VPS26A: variants seen among roughly 807,000 people sequenced by gnomAD.
VPS26A encodes the protein VPS26 retromer complex component A, also known as vacuolar protein sorting-associated protein 26A.
Under a neutral mutation model 42.4 loss-of-function variants are expected in VPS26A, and 22 were observed. The observed-to-expected ratio is 0.52, with a 90% CI of 0.37 to 0.74. The LOEUF (loss-of-function observed/expected upper bound fraction) is 0.74. Ranked by LOEUF, VPS26A falls within the 30% of genes least tolerant of loss-of-function variation. VPS26A has a pLI of 0.00. For synonymous variants in VPS26A, 110 were observed against 123.5 expected, an observed-to-expected ratio of 0.89 and a Z score of 0.73; for missense variants, 276 against 379.2, an observed-to-expected ratio of 0.73 and a Z score of 2.26.
chr10:69,154,289 C>T (rs1589359010), intron 2 of VPS26A, among the ~76,000 whole-genome samples: 1 of 152,198 alleles, frequency 6.6e-6, no homozygotes, highest in Non-Finnish European at 1.5e-5. Flanking sequence ...GTAATCCCAG[C>T]ACTTTGGGAG....
In VPS26A at chr10:69,164,619, A is replaced by G. The variant is rs141126799; in HGVS notation, c.659-1423A>G. Among the ~76,000 whole-genome samples the G allele has an allele frequency of 2.6e-3, 402 of 152,256 alleles. 4 individuals are homozygous for G. Among genetic ancestry groups the G allele is most frequent in the African/African-American group, 8.9e-3 (368 of 41,566 alleles). ...TATTGATGTTTATGTAGTCAGATTT[A>G]TCAGTTTTTCATTTTATGGCCTCTG... On this transcript the variant is annotated intron_variant, in intron 6 of 8. Coordinates refer to ENST00000263559, the MANE Select transcript of VPS26A (RefSeq NM_004896.5).
At chr10:69,132,691 C>T (rs1287413089) in intron 1 of VPS26A, among the ~76,000 whole-genome samples, 1 of 152,140 alleles carries the variant, frequency 6.6e-6, no homozygotes, top group Non-Finnish European at 1.5e-5. Context: ...GATCCGCCCA[C>T]CTCAGCCTCC....
intron 5 of VPS26A, among the ~76,000 whole-genome samples, chr10:69,158,462 A>G (rs1841480678): frequency 6.6e-6 from 1 of 152,118 alleles, no homozygotes; most frequent in African/African-American, 2.4e-5. Context: ...CTCAGAAGGC[A>G]GCCAGTCCTT....
chr10:69,157,936 A>G (rs1450221535), intron 4 of VPS26A, 111 bp from the exon 5 acceptor site: 1 of 927,462 alleles, frequency 1.1e-6, no homozygotes, highest in Non-Finnish European at 1.6e-6. Context: ...TTGATCCCAA[A>G]GGAGTTCCAG....
At chr10:69,143,120 C>T (rs972832238) in intron 2 of VPS26A, among the ~76,000 whole-genome samples, 3 of 152,150 alleles carry the variant, frequency 2.0e-5, no homozygotes, top group African/African-American at 2.4e-5. Flanking sequence ...GAGGAAACAA[C>T]GGGTTGTTTA....
chr10:69,135,194 G>A (rs1309690832), intron 2 of VPS26A, among the ~76,000 whole-genome samples: 1 of 152,162 alleles, frequency 6.6e-6, no homozygotes, highest in Non-Finnish European at 1.5e-5. Context: ...GGGGATCAGA[G>A]TGTGCTTCTG....
chr10:69,137,032 C>T (rs10998599), intron 2 of VPS26A, among the ~76,000 whole-genome samples: 6,346 of 152,128 alleles, frequency 0.042, 464 homozygotes, highest in African/African-American at 0.14. Context: ...CCTTGTGATC[C>T]GCCCGCCTCA....
rs1188066731 is a variant in VPS26A at position 69,173,933 on chromosome 10, G to A, written c.*2664G>A. On this transcript the variant is annotated 3_prime_UTR_variant, in exon 9 of 9. Coordinates refer to ENST00000263559, the MANE Select transcript of VPS26A (RefSeq NM_004896.5). Reference sequence around the variant, plus strand: ...TGCTTGAACCCGGGAGGCAGAGGTTGCAGTGAGCCGAGATCACACCAATGC... The same window carrying A: ...TGCTTGAACCCGGGAGGCAGAGGTTACAGTGAGCCGAGATCACACCAATGC... 6.6e-6 allele frequency among the ~76,000 whole-genome samples: 1 copy of A among 152,174 alleles called. No individual in the cohort carries two copies. The highest frequency in any genetic ancestry group is 1.9e-4 in the East Asian group (1 of 5,192).
At chr10:69,131,056 G>A (rs1840766674) in intron 1 of VPS26A, among the ~76,000 whole-genome samples, 2 of 152,232 alleles carry the variant, frequency 1.3e-5, no homozygotes, top group South Asian at 2.1e-4. Context: ...TGCGATCTTG[G>A]CTCACTGCAA....
intron 2 of VPS26A, among the ~76,000 whole-genome samples, chr10:69,141,940 G>A (rs1365586423): frequency 3.3e-5 from 5 of 151,816 alleles, no homozygotes; most frequent in African/African-American, 7.3e-5. Context: ...CTGGAGTGCC[G>A]TGGCGCGATC....
chr10:69,168,712 A>G lies in VPS26A; in HGVS notation c.870+81A>G, dbSNP rs58814700. 8.1e-3 allele frequency: 12,323 copies of G among 1,517,582 alleles called. 840 individuals are homozygous for G. The African/African-American group carries it at 0.15, about 18-fold the overall frequency. 94.0% of individuals were successfully genotyped at this position (1,517,582 alleles called of 1,614,324 possible). A position where few individuals can be genotyped will look rare whatever the true frequency, so the allele number is the denominator to read the frequency against. ...AAAGCACTCTTCTAAGCTTCACTGT[A>G]CTGAGCGAGTGGGAGTTTCTAAATA... On this transcript the variant is annotated intron_variant, in intron 8 of 8. Coordinates refer to ENST00000263559, the MANE Select transcript of VPS26A (RefSeq NM_004896.5).
At chr10:69,146,554 T>C (rs1428595937) in intron 2 of VPS26A, among the ~76,000 whole-genome samples, 1 of 152,184 alleles carries the variant, frequency 6.6e-6, no homozygotes, top group Non-Finnish European at 1.5e-5. Flanking sequence ...ATAGAAACTT[T>C]GTACCCATTA....
intron 1 of VPS26A, among the ~76,000 whole-genome samples, chr10:69,125,583 A>G (rs1195007207): frequency 6.6e-6 from 1 of 152,162 alleles, no homozygotes; most frequent in Non-Finnish European, 1.5e-5. Flanking sequence ...AGGTCCTCCT[A>G]TTTTTTGCTT....
chr10:69,139,345 C>T (rs949571185), intron 2 of VPS26A, among the ~76,000 whole-genome samples: 1 of 151,900 alleles, frequency 6.6e-6, no homozygotes, highest in Non-Finnish European at 1.5e-5. Flanking sequence ...GCTCTGTCAC[C>T]CAGGCTGGAG....
At chr10:69,157,692 C>G (rs774887787) in intron 4 of VPS26A, among the ~76,000 whole-genome samples, 2 of 152,188 alleles carry the variant, frequency 1.3e-5, no homozygotes, top group Non-Finnish European at 2.9e-5. Flanking sequence ...CGAGATCTTG[C>G]TTTCTCTGTT....
intron 2 of VPS26A, among the ~76,000 whole-genome samples, chr10:69,152,455 T>C (rs1339289015): frequency 1.3e-5 from 2 of 152,224 alleles, no homozygotes; most frequent in Non-Finnish European, 2.9e-5. Context: ...TTCCATCATA[T>C]GGTGTATCAC....
chr10:69,138,592 T>A (rs1840971903), intron 2 of VPS26A, among the ~76,000 whole-genome samples: 1 of 152,198 alleles, frequency 6.6e-6, no homozygotes, highest in African/African-American at 2.4e-5. Context: ...GTGTTGGACA[T>A]TATTTCTAGG....
intron 1 of VPS26A, among the ~76,000 whole-genome samples, 200 bp downstream of exon 1, chr10:69,124,480 A>C (rs376863329): frequency 1.6e-4 from 24 of 151,956 alleles, no homozygotes; most frequent in Middle Eastern, 3.4e-3. Flanking sequence ...AGGCCCGAGC[A>C]CCTACGGGCG....
intron 5 of VPS26A, 130 bp downstream of exon 5, chr10:69,158,341 G>T: frequency 1.3e-6 from 1 of 794,212 alleles, no homozygotes; most frequent in Non-Finnish European, 1.8e-6. Context: ...GGATCTCTGA[G>T]CTAAAAGAAA....
Sources: gnomAD v4.1 joint callset for allele counts (sites outside exome capture counted in the v4.1 genomes callset) on GRCh38, gnomAD v4.1.1 for gene constraint, MANE v1.5 for transcripts, NCBI Gene and HGNC (gene_info 2026-07-23, HGNC 2026-07-21) for gene names.